ATG7: variants seen among roughly 807,000 people sequenced by gnomAD.
ATG7 encodes ubiquitin-like modifier-activating enzyme ATG7.
In ATG7, 70 loss-of-function variants were observed where a neutral mutation model predicts 82.4. That is an observed-to-expected ratio of 0.85 (90% CI 0.70 to 1.04). The LOEUF (loss-of-function observed/expected upper bound fraction) is 1.04. Among genes scored for constraint, ATG7 ranks in the 50% least tolerant of loss-of-function variants. The pLI, the probability that ATG7 is intolerant of heterozygous loss-of-function variation, is 0.00. For missense variants in ATG7, 792 were observed against 864.3 expected, an observed-to-expected ratio of 0.92 and a Z score of 1.05; for synonymous variants, 287 against 313.0, an observed-to-expected ratio of 0.92 and a Z score of 0.88.
At chr3:11,525,590 T>C (rs1203790490) in intron 20 of ATG7, among the ~76,000 whole-genome samples, 2 of 149,878 alleles carry the variant, frequency 1.3e-5, no homozygotes, top group African/African-American at 4.9e-5. Flanking sequence ...AGTCTTGCTC[T>C]GTCGCCCAGG....
At chr3:11,321,349 G>C (rs1409962393) in intron 9 of ATG7, among the ~76,000 whole-genome samples, 1 of 152,190 alleles carries the variant, frequency 6.6e-6, no homozygotes, top group East Asian at 1.9e-4. Context: ...CTATGAGAGA[G>C]TGGGTACCTG....
chr3:11,447,193 C>T (rs1163091885), intron 20 of ATG7, among the ~76,000 whole-genome samples: 2 of 152,206 alleles, frequency 1.3e-5, no homozygotes, highest in African/African-American at 4.8e-5. Flanking sequence ...TGGCTGGACA[C>T]AGTGGCTTAC....
chr3:11,569,477 C>CA, the ATG7 span, among the ~76,000 whole-genome samples: 1 of 152,246 alleles, frequency 6.6e-6, no homozygotes, highest in African/African-American at 2.4e-5. Flanking sequence ...AGCCCGTCCC[C>CA]ATGCCAGGCG....
At chr3:11,512,108 G>A (rs1161975693) in intron 20 of ATG7, among the ~76,000 whole-genome samples, 14 of 152,198 alleles carry the variant, frequency 9.2e-5, no homozygotes, top group African/African-American at 3.4e-4. Context: ...GGCAGGGGAG[G>A]TGCCAAGAGC....
At chr3:11,385,673 G>A (rs2078269401) in intron 19 of ATG7, among the ~76,000 whole-genome samples, 1 of 152,198 alleles carries the variant, frequency 6.6e-6, no homozygotes, top group Non-Finnish European at 1.5e-5. Context: ...TGGAGGACTA[G>A]GGAAGGCCTT....
In ATG7 at chr3:11,342,165, C is replaced by A; in HGVS notation, c.1011C>A (p.Leu337=). 1 of 1,613,070 alleles carries A rather than the reference C, an allele frequency of 6.2e-7. No homozygotes were observed. Among genetic ancestry groups the A allele is most frequent in the South Asian group, 1.1e-5 (1 of 90,990 alleles). ...CTGAGTCATCAGTGGATCTAAATCTCAAACTGATGTGTTGGAGATTGGTTC... is the reference window on the plus strand; with the variant it reads ...CTGAGTCATCAGTGGATCTAAATCTAAAACTGATGTGTTGGAGATTGGTTC... The part of the protein sequence containing the change: ...RLAESSVDLN[L]KLMCWRLVPT... Residue 337 remains leucine, a synonymous_variant, in exon 13 of 21, where the codon CTC becomes CTA. Transcript: ENST00000693202.
chr3:11,370,451 G>A (rs554751731), intron 18 of ATG7, among the ~76,000 whole-genome samples: 3 of 151,320 alleles, frequency 2.0e-5, no homozygotes, highest in Admixed American at 6.6e-5. Flanking sequence ...TTTTGGCATT[G>A]AACTTGATTA....
At chr3:11,449,513 T>C (rs538440335) in intron 20 of ATG7, among the ~76,000 whole-genome samples, 2 of 152,080 alleles carry the variant, frequency 1.3e-5, no homozygotes, top group Admixed American at 1.3e-4. Context: ...GAGAGTATGA[T>C]TGGTTTTAGT....
chr3:11,284,142 T>G (rs1343997773), intron 3 of ATG7, among the ~76,000 whole-genome samples: 1 of 152,246 alleles, frequency 6.6e-6, no homozygotes, highest in Non-Finnish European at 1.5e-5. Flanking sequence ...CTACAATTAC[T>G]TCTTCACTTT....
chr3:11,326,463 TA>T (rs1950895164), intron 9 of ATG7, among the ~76,000 whole-genome samples: 1 of 152,140 alleles, frequency 6.6e-6, no homozygotes, highest in South Asian at 2.1e-4. Flanking sequence ...CATGCCCGGC[TA>T]ATTTTTTGTA....
At chr3:11,502,349 T>C (rs1281112419) in intron 20 of ATG7, among the ~76,000 whole-genome samples, 3 of 147,118 alleles carry the variant, frequency 2.0e-5, no homozygotes, top group South Asian at 2.3e-4. Context: ...GCATTAGGTA[T>C]ATCTCCCAAT....
chr3:11,389,299 A>G (rs1394046092), intron 19 of ATG7, among the ~76,000 whole-genome samples: 19 of 150,236 alleles, frequency 1.3e-4, no homozygotes, highest in Admixed American at 1.3e-3. Context: ...TCCTGAAGTT[A>G]CCCTTATGAC....
chr3:11,374,924 C>G (rs2077292794), intron 18 of ATG7, among the ~76,000 whole-genome samples: 2 of 126,998 alleles, frequency 1.6e-5, no homozygotes, highest in South Asian at 2.5e-4. Flanking sequence ...AAAAAAAAGT[C>G]TGGGCATGGT....
intron 19 of ATG7, among the ~76,000 whole-genome samples, chr3:11,382,565 A>G (rs542377250): frequency 5.8e-4 from 88 of 152,274 alleles, no homozygotes; most frequent in African/African-American, 2.1e-3. Context: ...AACAGATGGT[A>G]TTTGTCAATG....
intron 20 of ATG7, among the ~76,000 whole-genome samples, chr3:11,498,974 G>A (rs907585863): frequency 1.3e-5 from 2 of 152,116 alleles, no homozygotes; most frequent in African/African-American, 4.8e-5. Context: ...AACCTGCTTG[G>A]TCCCTGGTGC....
intron 19 of ATG7, among the ~76,000 whole-genome samples, chr3:11,389,718 A>G (rs1478251761): frequency 6.6e-6 from 1 of 152,208 alleles, no homozygotes; most frequent in East Asian, 1.9e-4. Flanking sequence ...AGGCAGCATC[A>G]TTGGAATATA....
intron 19 of ATG7, among the ~76,000 whole-genome samples, chr3:11,380,364 C>T (rs891011646): frequency 6.6e-6 from 1 of 152,224 alleles, no homozygotes; most frequent in Non-Finnish European, 1.5e-5. Flanking sequence ...AGGGTTCCCT[C>T]CTAGCCAGGA....
intron 20 of ATG7, among the ~76,000 whole-genome samples, chr3:11,497,969 G>A (rs550640483): frequency 6.6e-6 from 1 of 152,120 alleles, no homozygotes; most frequent in African/African-American, 2.4e-5. Flanking sequence ...TCGGGTAGAC[G>A]TGAGCCTTCT....
chr3:11,313,601 A>T (rs138259524), intron 8 of ATG7, among the ~76,000 whole-genome samples, 181 bp downstream of exon 8: 6 of 152,252 alleles, frequency 3.9e-5, no homozygotes, highest in African/African-American at 1.4e-4. Context: ...TTTTTTGTAT[A>T]TATATTTATA....
Sources: gnomAD v4.1 joint callset for allele counts (sites outside exome capture counted in the v4.1 genomes callset) on GRCh38, gnomAD v4.1.1 for gene constraint, MANE v1.5 for transcripts, NCBI Gene and HGNC (gene_info 2026-07-23, HGNC 2026-07-21) for gene names.